Variants in IPCEF1 observed in about 807,000 individuals in gnomAD.
IPCEF1 encodes the protein interaction protein for cytohesin exchange factors 1.
IPCEF1 carries 31 observed loss-of-function variants against 50.9 expected under a neutral mutation model. The ratio of observed to expected loss-of-function variants is 0.61; its 90% CI spans 0.46 to 0.82. The LOEUF is 0.82. Ranked by LOEUF, IPCEF1 falls within the 40% of genes least tolerant of loss-of-function variation. The probability of loss-of-function intolerance (pLI) is 0.00; values close to 1 mark genes in which losing one functional copy is unlikely to be tolerated. For synonymous variants in IPCEF1, 181 were observed against 192.0 expected (o/e 0.94, Z 0.47); for missense variants, 458 against 514.0 (o/e 0.89, Z 1.05).
At chr6:154,259,923 C>T (rs946485584) in intron 3 of IPCEF1, among the ~76,000 whole-genome samples, 15 of 152,164 alleles carry the variant, frequency 9.9e-5, no homozygotes, top group African/African-American at 3.6e-4. Flanking sequence ...TGAAAGCAAA[C>T]TGCAAAGTTT....
chr6:154,272,829 C>T (rs1288023495), intron 2 of IPCEF1, among the ~76,000 whole-genome samples: 1 of 152,124 alleles, frequency 6.6e-6, no homozygotes, highest in Non-Finnish European at 1.5e-5. Context: ...CAATCCCCAA[C>T]AAACACACTA....
At chr6:154,188,186 C>A (rs1296664522) in intron 10 of IPCEF1, among the ~76,000 whole-genome samples, 1 of 152,032 alleles carries the variant, frequency 6.6e-6, no homozygotes, top group Admixed American at 6.6e-5. Context: ...ATTTTAAAAA[C>A]TAATTGCATT....
intron 1 of IPCEF1, among the ~76,000 whole-genome samples, chr6:154,321,916 A>T (rs1237233146): frequency 6.6e-6 from 1 of 152,062 alleles, no homozygotes; most frequent in African/African-American, 2.4e-5. Context: ...ACATTTTAAG[A>T]AAAGAAAATT....
chr6:154,226,350 A>T (rs1779251422), intron 5 of IPCEF1, among the ~76,000 whole-genome samples: 1 of 152,196 alleles, frequency 6.6e-6, no homozygotes, highest in Non-Finnish European at 1.5e-5. Flanking sequence ...CCGCAAGAGT[A>T]ACAAATTCAA....
chr6:154,198,627 T>TACACAC (rs1776815529), intron 10 of IPCEF1, among the ~76,000 whole-genome samples: 1 of 73,784 alleles, frequency 1.4e-5, no homozygotes, highest in East Asian at 9.7e-4. Context: ...TTTAAAATAT[T>TACACAC]ACATACACAC....
At chr6:154,209,354 CT>C (rs1410695386) in intron 9 of IPCEF1, among the ~76,000 whole-genome samples, 2 of 152,182 alleles carry the variant, frequency 1.3e-5, no homozygotes, top group South Asian at 2.1e-4. Flanking sequence ...AATTCACTCT[CT>C]GCATAAAAGC....
At chr6:154,172,975 G>T (rs975336790) in intron 10 of IPCEF1, among the ~76,000 whole-genome samples, 2 of 152,204 alleles carry the variant, frequency 1.3e-5, no homozygotes, top group Non-Finnish European at 2.9e-5. Flanking sequence ...GAAGGATCAG[G>T]CAGCAATACT....
intron 2 of IPCEF1, among the ~76,000 whole-genome samples, chr6:154,271,508 T>C (rs1393990054): frequency 2.0e-5 from 3 of 152,214 alleles, no homozygotes; most frequent in Non-Finnish European, 4.4e-5. Flanking sequence ...CTTTATGATA[T>C]CTATATTATA....
intron 1 of IPCEF1, among the ~76,000 whole-genome samples, chr6:154,320,731 G>A (rs948698617): frequency 6.6e-6 from 1 of 152,102 alleles, no homozygotes; most frequent in Admixed American, 6.6e-5. Context: ...ACATGGCCGG[G>A]CACTGTGGTA....
intron 10 of IPCEF1, among the ~76,000 whole-genome samples, chr6:154,169,098 C>T (rs1474544693): frequency 5.3e-5 from 8 of 151,500 alleles, no homozygotes; most frequent in East Asian, 2.0e-4. Flanking sequence ...TGGTGGCTCA[C>T]GCCTGTAATC....
intron 2 of IPCEF1, among the ~76,000 whole-genome samples, chr6:154,266,560 CTA>C (rs34187257): frequency 0.42 from 56,351 of 134,690 alleles, 11,630 homozygotes; most frequent in Middle Eastern, 0.46. Flanking sequence ...CTTAATATTA[CTA>C]TATATATATA....
At chr6:154,204,023 G>A (rs762389380) in intron 9 of IPCEF1, among the ~76,000 whole-genome samples, 4 of 152,114 alleles carry the variant, frequency 2.6e-5, no homozygotes, top group Admixed American at 2.6e-4. Context: ...ATTAATAATT[G>A]TATGTGGTTT....
intron 5 of IPCEF1, among the ~76,000 whole-genome samples, chr6:154,236,257 C>A (rs1371096905): frequency 6.6e-6 from 1 of 152,154 alleles, no homozygotes; most frequent in Admixed American, 6.5e-5. Context: ...ATGGATGAAC[C>A]TTGAAGACAT....
At chr6:154,264,292 C>T (rs374785061) in intron 3 of IPCEF1, among the ~76,000 whole-genome samples, 3 of 151,482 alleles carry the variant, frequency 2.0e-5, no homozygotes, top group Admixed American at 6.6e-5. Flanking sequence ...ATGATTCAGG[C>T]CTGTGTGTGC....
chr6:154,223,030 G>T, intron 6 of IPCEF1, 140 bp downstream of exon 6: 1 of 697,866 alleles, frequency 1.4e-6, no homozygotes, highest in Non-Finnish European at 2.5e-6. Flanking sequence ...TCTATGTAGG[G>T]TGCCAACCCA....
chr6:154,214,924 C>T (rs767386006), intron 7 of IPCEF1, among the ~76,000 whole-genome samples: 17 of 152,354 alleles, frequency 1.1e-4, no homozygotes, highest in Admixed American at 2.6e-4. Context: ...TGGCTTATCA[C>T]TGCAGACCAC....
At chr6:154,163,414 C>A (rs1282685680) in intron 11 of IPCEF1, among the ~76,000 whole-genome samples, 3 of 152,204 alleles carry the variant, frequency 2.0e-5, no homozygotes, top group African/African-American at 7.2e-5. Flanking sequence ...TTCAAAGAGG[C>A]CTTTCATGTC....
In IPCEF1 at chr6:154,155,991, G is replaced by C. The variant is rs897612259; in HGVS notation, c.*3837C>G. 7 of 152,114 alleles carry C rather than the reference G, an allele frequency of 4.6e-5. No individual in the cohort carries two copies. The highest frequency in any genetic ancestry group is 1.4e-4 in the African/African-American group (6 of 41,418). 9.4% of individuals were successfully genotyped at this position (152,114 alleles called of 1,614,324 possible). The stretch of plus-strand genomic sequence containing the variant: ...AAGCAATTAAGAGAAGAAGGTCAAA[G>C]GACCAACCTCTAATCACTAAGTTTG... On this transcript the variant is annotated 3_prime_UTR_variant, in exon 12 of 12. Coordinates refer to ENST00000367220, the MANE Select transcript of IPCEF1 (RefSeq NM_001130700.2).
At chr6:154,248,680 T>G (rs1781254522) in intron 3 of IPCEF1, among the ~76,000 whole-genome samples, 1 of 152,164 alleles carries the variant, frequency 6.6e-6, no homozygotes, top group Non-Finnish European at 1.5e-5. Context: ...AACCAATTCC[T>G]GGCTATTATA....
Sources: allele counts gnomAD v4.1 joint callset (sites outside exome capture counted in the v4.1 genomes callset), GRCh38; gene constraint gnomAD v4.1.1; transcripts MANE v1.5; gene names NCBI Gene and HGNC (gene_info 2026-07-23, HGNC 2026-07-21).